The following B4GALNT4 variants were observed in gnomAD, a reference collection of about 807,000 sequenced individuals.
B4GALNT4 encodes N-acetyl-beta-glucosaminyl-glycoprotein 4-beta-N-acetylgalactosaminyltransferase 1.
Under a neutral mutation model 110.0 loss-of-function variants are expected in B4GALNT4, and 77 were observed. The ratio of observed to expected loss-of-function variants is 0.70; its 90% CI spans 0.58 to 0.85. The LOEUF is 0.85. B4GALNT4 is among the 40% of genes least tolerant of loss of function. The pLI is 0.00. For missense variants in B4GALNT4, 1,575 were observed against 1,506.0 expected, an observed-to-expected ratio of 1.05 and a Z score of -0.76; for synonymous variants, 785 against 655.5, an observed-to-expected ratio of 1.20 and a Z score of -3.02.
At chr11:378,788 C>G (rs1021524384) in intron 14 of B4GALNT4, among the ~76,000 whole-genome samples, 4 of 152,084 alleles carry the variant, frequency 2.6e-5, no homozygotes, top group African/African-American at 9.7e-5. Context: ...CTCCTCCACT[C>G]AGGGATCAGG....
At position 380,874 on chromosome 11, in the gene B4GALNT4, C is replaced by T. The variant is rs758564435; in HGVS notation, c.2919C>T (p.Asp973=). The T allele has an allele frequency of 1.9e-6, 3 of 1,613,692 alleles. No individual in the cohort carries two copies. The highest frequency in any genetic ancestry group is 2.7e-5 in the African/African-American group (2 of 74,854). The change falls in exon 19 of 20, where the codon GAC becomes GAT. Residue 973 remains aspartate, a synonymous_variant. Transcript: ENST00000329962. ...GCCTTTTTGGGATCTACAAGTCGGACTTTGACCGGGTTGGAGGAATGAACA... is the reference window on the plus strand; with the variant it reads ...GCCTTTTTGGGATCTACAAGTCGGATTTTGACCGGGTTGGAGGAATGAACA... The part of the protein sequence containing the change: ...GFGLFGIYKS[D]FDRVGGMNTE...
At chr11:380,584 C>G in intron 18 of B4GALNT4, 139 bp downstream of exon 18, 1 of 1,340,070 alleles carries the variant, frequency 7.5e-7, no homozygotes, top group East Asian at 2.5e-5. Flanking sequence ...CCCAGAGCCC[C>G]AGTCCCCCCG....
intron 11 of B4GALNT4, 29 bp downstream of exon 11, chr11:375,985 G>A (rs766373712): frequency 1.2e-6 from 2 of 1,607,390 alleles, no homozygotes; most frequent in Non-Finnish European, 1.7e-6. Flanking sequence ...CCCGTCTCCC[G>A]TCCGGGACTC....
chr11:381,579 G>A, intron 19 of B4GALNT4, 90 bp from the exon 20 acceptor site: 1 of 779,182 alleles, frequency 1.3e-6, no homozygotes. Flanking sequence ...CCGGGTTCCT[G>A]ACCACCTCTC....
chr11:372,196 G>T lies in B4GALNT4; in HGVS notation c.239G>T (p.Arg80Leu), dbSNP rs142047066. The T allele has an allele frequency of 1.9e-6, 3 of 1,550,200 alleles. No individual in the cohort carries two copies. Among genetic ancestry groups the T allele is most frequent in the Non-Finnish European group, 2.6e-6 (3 of 1,146,828 alleles). The change falls in exon 2 of 20, where the codon CGT (arginine) becomes CTT (leucine). Residue 80 changes from arginine to leucine, a missense_variant. Physicochemically the swap from Arg to Leu is moderately radical, Grantham distance 102 (BLOSUM62 -2). Transcript: ENST00000329962. ...TQRAEDSSES[R>L]EEEQAPEGRD... ...AGGGCTGAGGACTCCAGTGAGAGCCGTGAAGAGGAGCAAGCGGTGAGCAGA... is the reference window on the plus strand; with the variant it reads ...AGGGCTGAGGACTCCAGTGAGAGCCTTGAAGAGGAGCAAGCGGTGAGCAGA...
In B4GALNT4 at chr11:377,127, G is replaced by T; in HGVS notation, c.2004G>T (p.Ala668=). 1 of 1,505,702 alleles carries T rather than the reference G, an allele frequency of 6.6e-7. No individual in the cohort carries two copies. The highest frequency in any genetic ancestry group is 8.9e-7 in the Non-Finnish European group (1 of 1,128,278). 93.3% of individuals were successfully genotyped at this position (1,505,702 alleles called of 1,614,324 possible). A position where few individuals can be genotyped will look rare whatever the true frequency, so the allele number is the denominator to read the frequency against. Residue 668 remains alanine (A), a synonymous_variant, in exon 14 of 20, where the codon GCG becomes GCT. Coordinates refer to ENST00000329962, the MANE Select transcript of B4GALNT4 (RefSeq NM_178537.5). ...CGTCGGAGGACAGCGAGGAGGCCGCGGGCCCGGCGCTCGGACGCTGGCGTG... is the reference window on the plus strand; with the variant it reads ...CGTCGGAGGACAGCGAGGAGGCCGCTGGCCCGGCGCTCGGACGCTGGCGTG... ...EAASEDSEEA[A]GPALGRWRED...
At position 373,049 on chromosome 11, in the gene B4GALNT4, G is replaced by A; in HGVS notation, c.468G>A (p.Leu156=). 1 of 1,612,444 alleles carries A rather than the reference G, an allele frequency of 6.2e-7. No homozygotes were observed. The highest frequency in any genetic ancestry group is 8.5e-7 in the Non-Finnish European group (1 of 1,179,836). ...FPHTRTTVKK[L]AVSPKWKNYG... is the part of the protein sequence containing the mutation. Reference sequence around the variant, plus strand: ...AGACGCGCACCACCGTGAAGAAGTTGGCCGTGTCCCCCAAGTGGAAGAACT... The same window carrying A: ...AGACGCGCACCACCGTGAAGAAGTTAGCCGTGTCCCCCAAGTGGAAGAACT... Residue 156 remains leucine (L), a synonymous_variant, in exon 5 of 20, where the codon TTG becomes TTA. Transcript: ENST00000329962.
chr11:370,475 G>C lies in B4GALNT4; in HGVS notation c.151+521G>C, dbSNP rs75202664. ...GGGGCGCCTTCGGTGAACTGTGCCA[G>C]TGTTGTGGGGGTCCATGCGTAGGGA... On this transcript the variant is annotated intron_variant, in intron 1 of 19. Transcript: ENST00000329962. Among the ~76,000 whole-genome samples the C allele has an allele frequency of 4.2e-3, 638 of 152,186 alleles. 3 individuals are homozygous for C. The highest frequency in any genetic ancestry group is 0.015 in the African/African-American group (604 of 41,446).
chr11:380,697 C>A, intron 18 of B4GALNT4, 128 bp from the exon 19 acceptor site: 1 of 1,480,674 alleles, frequency 6.8e-7, no homozygotes. Flanking sequence ...CACCGGACGA[C>A]TCCCGGAAGC....
In B4GALNT4 at chr11:376,191, G is replaced by C; in HGVS notation, c.1196+17G>C. 7.6e-7 allele frequency: 1 copy of C among 1,323,010 alleles called. No individual in the cohort carries two copies. Among genetic ancestry groups the C allele is most frequent in the Non-Finnish European group, 1.0e-6 (1 of 971,120 alleles). The allele number at this position is 1,323,010 out of a possible 1,614,324, so 82.0% of individuals were successfully genotyped here. A position where few individuals can be genotyped will look rare whatever the true frequency, so the allele number is the denominator to read the frequency against. ...TCTGGAGAGGTGGGCGCGCGGCCGGGCTAATGCGGGGCGGGGTGGGCGGGG... is the reference window on the plus strand; with the variant it reads ...TCTGGAGAGGTGGGCGCGCGGCCGGCCTAATGCGGGGCGGGGTGGGCGGGG... On this transcript the variant is annotated intron_variant, in intron 12 of 19. Coordinates refer to ENST00000329962, the MANE Select transcript of B4GALNT4 (RefSeq NM_178537.5).
Position 379,856 on chromosome 11 carries a change from TCTC to T in B4GALNT4, c.2489-5_2489-3del, listed in dbSNP as rs1393943421. 1 of 1,584,780 alleles carries T rather than the reference TCTC, an allele frequency of 6.3e-7. No homozygotes were observed. Among genetic ancestry groups the T allele is most frequent in the Non-Finnish European group, 8.6e-7 (1 of 1,165,538 alleles). ...TCGGCTCAGCGCCCCCCCCGCCTTT[TCTC>T]CTCCAGTGAAAAACCAGGCACGGTG... is the stretch of plus-strand genomic sequence containing the variant. On this transcript the variant is annotated splice_region_variant and splice_polypyrimidine_tract_variant and intron_variant, in intron 15 of 19. Coordinates refer to ENST00000329962, the MANE Select transcript of B4GALNT4 (RefSeq NM_178537.5).
chr11:381,723 C>T lies in B4GALNT4; in HGVS notation c.3051C>T (p.His1017=), dbSNP rs1189163188. 2 of 1,593,092 alleles carry T rather than the reference C, an allele frequency of 1.3e-6. No homozygotes were observed. Among genetic ancestry groups the T allele is most frequent in the African/African-American group, 1.4e-5 (1 of 73,118 alleles). ...GGCTCCGACTGCGGAATTTCTATCACCACTACCACTCCAAGAGGGGCATGT... is the reference window on the plus strand; with the variant it reads ...GGCTCCGACTGCGGAATTTCTATCATCACTACCACTCCAAGAGGGGCATGT... The part of the protein sequence containing the change: ...VERLRLRNFY[H]HYHSKRGMWS... The change falls in exon 20 of 20, where the codon CAC becomes CAT. Residue 1017 remains histidine (H), a synonymous_variant. Transcript: ENST00000329962.
Position 372,087 on chromosome 11 carries a change from A to T in B4GALNT4, c.152-22A>T, listed in dbSNP as rs369299972. 3.5e-5 allele frequency: 54 copies of T among 1,541,364 alleles called. No homozygotes were observed. The East Asian group carries it at 4.4e-4, about 13-fold the overall frequency. On this transcript the variant is annotated intron_variant, in intron 1 of 19. Transcript: ENST00000329962. ...CTTGGAGAGAGCCTGGGCCCGAGAC[A>T]GGCCTCATGTGCCACCTGCAGATGG...
At position 376,560 on chromosome 11, in the gene B4GALNT4, T is replaced by C. The variant is rs1226416927; in HGVS notation, c.1437T>C (p.Pro479=). 1.9e-5 allele frequency: 20 copies of C among 1,069,334 alleles called. No homozygotes were observed. In the East Asian group the frequency reaches 1.3e-3, roughly 68 times the overall value. 66.2% of individuals were successfully genotyped at this position (1,069,334 alleles called of 1,614,324 possible). The change falls in exon 14 of 20, where the codon CCT becomes CCC. Residue 479 remains proline (P), a synonymous_variant. Transcript: ENST00000329962. ...GAGCCACCCTCGCCCCGCCGACCCC[T>C]CCCCGCCCCCGGGACGGGGGGACCC... ...QPGATLAPPT[P]PRPRDGGTPR...
At chr11:379,090 C>T (rs916853475) in intron 14 of B4GALNT4, among the ~76,000 whole-genome samples, 3 of 152,198 alleles carry the variant, frequency 2.0e-5, no homozygotes, top group Non-Finnish European at 4.4e-5. Flanking sequence ...TGGCTAACTC[C>T]TGAAGGTTTC....
Position 380,207 on chromosome 11 carries a change from G to A in B4GALNT4, c.2715+5G>A. On this transcript the variant is annotated splice_donor_5th_base_variant and intron_variant, in intron 17 of 19. Transcript: ENST00000329962. ...GCGGGAGTGGACGCGGTAGAGGTCCGAGGGCCCCATGGGGGTCGGGGAGCA... is the reference window on the plus strand; with the variant it reads ...GCGGGAGTGGACGCGGTAGAGGTCCAAGGGCCCCATGGGGGTCGGGGAGCA... 1 of 1,603,688 alleles carries A rather than the reference G, an allele frequency of 6.2e-7. No individual in the cohort carries two copies. Among genetic ancestry groups the A allele is most frequent in the Non-Finnish European group, 8.5e-7 (1 of 1,173,232 alleles).
chr11:377,150 G>T lies in B4GALNT4; in HGVS notation c.2027G>T (p.Arg676Leu). ...EAAGPALGRW[R>L]EDAIDWQRTF... ...GCGGGCCCGGCGCTCGGACGCTGGC[G>T]TGAGGACGCCATCGACTGGCAGCGC... The change falls in exon 14 of 20, where the codon CGT (arginine) becomes CTT (leucine). Residue 676 changes from arginine (R) to leucine (L), a missense_variant. Coordinates refer to ENST00000329962, the MANE Select transcript of B4GALNT4 (RefSeq NM_178537.5). 1 of 1,544,744 alleles carries T rather than the reference G, an allele frequency of 6.5e-7. No homozygotes were observed.
At chr11:372,831 G>A (rs1211870196) in intron 3 of B4GALNT4, 21 bp from the exon 4 acceptor site, 1 of 1,592,664 alleles carries the variant, frequency 6.3e-7, no homozygotes, top group East Asian at 2.3e-5. Flanking sequence ...CGTGCAGAAG[G>A]TAAGGCCCCC....
In B4GALNT4 at chr11:373,115, C is replaced by T. The variant is rs374188537; in HGVS notation, c.534C>T (p.Asp178=). 82 of 1,612,418 alleles carry T rather than the reference C, an allele frequency of 5.1e-5. No homozygotes were observed. The highest frequency in any genetic ancestry group is 2.4e-4 in the South Asian group (22 of 91,084). Residue 178 remains aspartate (D), a splice_region_variant and synonymous_variant, in exon 5 of 20, where the codon GAC becomes GAT. Coordinates refer to ENST00000329962, the MANE Select transcript of B4GALNT4 (RefSeq NM_178537.5). ...RIFGFIHPAR[D]GDVQFSVASD... is the part of the protein sequence containing the mutation. ...TTGGTTTCATCCACCCGGCGAGGGA[C>T]GGTACGGGGGTGAGGGTGCCCCGGG...
Sources: gnomAD v4.1 joint callset for allele counts (sites outside exome capture counted in the v4.1 genomes callset) on GRCh38, gnomAD v4.1.1 for gene constraint, MANE v1.5 for transcripts, NCBI Gene and HGNC (gene_info 2026-07-23, HGNC 2026-07-21) for gene names.